Variants in AGAP1 observed in about 807,000 individuals in gnomAD.
AGAP1 encodes arf-GAP with GTPase, ANK repeat and PH domain-containing protein 1.
A neutral mutation model predicts 105.3 loss-of-function variants in AGAP1; 29 were observed. The observed-to-expected ratio is 0.28, with a 90% confidence interval of 0.21 to 0.38. The LOEUF (loss-of-function observed/expected upper bound fraction) is 0.38, where lower values mean the gene tolerates loss of function less well. Ranked by LOEUF, AGAP1 falls within the 10% of genes least tolerant of loss-of-function variation. AGAP1 has a pLI of 1.00. For missense variants in AGAP1, 998 were observed against 1,165.1 expected, an observed-to-expected ratio of 0.86 and a Z score of 2.09; for synonymous variants, 509 against 485.9, an observed-to-expected ratio of 1.05 and a Z score of -0.63.
rs1403965211 is a variant in AGAP1, at chr2:235,611,396, G to A, written c.164-97783G>A. On this transcript the variant is annotated intron_variant, in intron 1 of 17. Coordinates refer to ENST00000304032, the MANE Select transcript of AGAP1 (RefSeq NM_001037131.3). The surrounding 1 kb of genome is among the most constrained non-coding windows in gnomAD (Gnocchi z 5.0). ...CAAGGTCATGGCCATCCTCAATGCA[G>A]CCTTCATATTTTCATAATGAATAGT... Among the ~76,000 whole-genome samples the A allele has an allele frequency of 1.3e-5, 2 of 152,212 alleles. No homozygotes were observed. The highest frequency in any genetic ancestry group is 2.9e-5 in the Non-Finnish European group (2 of 68,042).
intron 9 of AGAP1, among the ~76,000 whole-genome samples, chr2:235,847,620 C>T (rs1268816165): frequency 6.6e-6 from 1 of 152,208 alleles, no homozygotes; most frequent in Non-Finnish European, 1.5e-5. Context: ...AATATTTTGA[C>T]TATTCATCAC....
chr2:235,894,186 G>A (rs546015810), intron 10 of AGAP1, among the ~76,000 whole-genome samples: 2 of 152,196 alleles, frequency 1.3e-5, no homozygotes, highest in African/African-American at 2.4e-5. Context: ...AATGCTTTTG[G>A]AAACAATATG....
chr2:235,494,654 G>T lies in AGAP1; in HGVS notation c.-33G>T, dbSNP rs1476099828. ...CCGGGGCGCGGGGCGGCGGCGGCGG[G>T]GGGCGCGCGGCTCCGGGCGCGGCGC... On this transcript the variant is annotated 5_prime_UTR_variant, in exon 1 of 18. Transcript: ENST00000304032. 1 of 1,077,344 alleles carries T rather than the reference G, an allele frequency of 9.3e-7. No individual in the cohort carries two copies. The allele number at this position is 1,077,344 out of a possible 1,614,324, so 66.7% of individuals were successfully genotyped here.
At chr2:235,949,243 C>CT (rs1320902083) in intron 12 of AGAP1, among the ~76,000 whole-genome samples, 3 of 152,194 alleles carry the variant, frequency 2.0e-5, no homozygotes, top group Non-Finnish European at 4.4e-5. Context: ...TGAGCATTGC[C>CT]TTTTAGCGTC....
intron 9 of AGAP1, among the ~76,000 whole-genome samples, chr2:235,857,072 G>A (rs1463034973): frequency 6.6e-6 from 1 of 152,186 alleles, no homozygotes; most frequent in Non-Finnish European, 1.5e-5. Context: ...ACACTTTAGA[G>A]CAGGAGTCAT....
At chr2:235,706,760 T>C (rs1035197055) in intron 1 of AGAP1, among the ~76,000 whole-genome samples, 3 of 152,176 alleles carry the variant, frequency 2.0e-5, no homozygotes, top group African/African-American at 7.2e-5. Flanking sequence ...CAGAGTGACG[T>C]TCTGAGAAGC....
In AGAP1 at chr2:235,765,856, T is replaced by C. The variant is rs997526332; in HGVS notation, c.673+15368T>C. On this transcript the variant is annotated intron_variant, in intron 6 of 17. Transcript: ENST00000304032. ...AATACTCCCATGCCCGCACCAAGAT[T>C]TCATTATTCAATGAAAAGTCCAAGG... Among the ~76,000 whole-genome samples, 7 of 152,314 alleles carry C rather than the reference T, an allele frequency of 4.6e-5. No individual in the cohort carries two copies. In the East Asian group the frequency reaches 1.2e-3, roughly 25 times the overall value.
At position 235,687,603 on chromosome 2, in the gene AGAP1, A is replaced by G. The variant is rs569589468; in HGVS notation, c.164-21576A>G. Among the ~76,000 whole-genome samples the G allele has an allele frequency of 3.3e-5, 5 of 152,362 alleles. No homozygotes were observed. The South Asian group carries it at 8.3e-4, about 25-fold the overall frequency. ...AAACATGCAGATAAAAACTTATTACATGAGGACCAGTGTTTGAAAGATGGC... is the reference window on the plus strand; with the variant it reads ...AAACATGCAGATAAAAACTTATTACGTGAGGACCAGTGTTTGAAAGATGGC... On this transcript the variant is annotated intron_variant, in intron 1 of 17. Coordinates refer to ENST00000304032, the MANE Select transcript of AGAP1 (RefSeq NM_001037131.3).
Position 235,908,990 on chromosome 2 carries a change from T to TTC in AGAP1, c.1324+85_1324+86insCT. ...TCGAGGATAATGTTGGACTCCTAGG[T>TTC]TAAGTGGAGACAGTAACTATCACAT... On this transcript the variant is annotated intron_variant, in intron 11 of 17. Coordinates refer to ENST00000304032, the MANE Select transcript of AGAP1 (RefSeq NM_001037131.3). This position sits in a 1 kb window ranked among gnomAD's most constrained non-coding sequence, Gnocchi z 4.4. 7.8e-7 allele frequency: 1 copy of TTC among 1,288,398 alleles called. No individual in the cohort carries two copies. The highest frequency in any genetic ancestry group is 1.1e-6 in the Non-Finnish European group (1 of 922,320). The allele number at this position is 1,288,398 out of a possible 1,614,324, so 79.8% of individuals were successfully genotyped here.
rs1299403820 is a variant in AGAP1 at position 236,001,599 on chromosome 2, A to G, written c.1645+32976A>G. Among the ~76,000 whole-genome samples, 1 of 152,090 alleles carries G rather than the reference A, an allele frequency of 6.6e-6. No individual in the cohort carries two copies. The highest frequency in any genetic ancestry group is 1.5e-5 in the Non-Finnish European group (1 of 68,022). ...GGCAGGACTTGCTGAAAGAGTTAAT[A>G]TGGGAAGTGAGAGGACACAGAGGCC... is the stretch of plus-strand genomic sequence containing the variant. On this transcript the variant is annotated intron_variant, in intron 13 of 17. Transcript: ENST00000304032. The surrounding 1 kb of genome is among the most constrained non-coding windows in gnomAD (Gnocchi z 4.7).
intron 13 of AGAP1, among the ~76,000 whole-genome samples, chr2:236,016,195 A>G (rs1282430536): frequency 6.6e-6 from 1 of 152,148 alleles, no homozygotes; most frequent in Non-Finnish European, 1.5e-5. Flanking sequence ...TCTTCTTTCA[A>G]AGCACTCAAG....
At position 235,732,955 on chromosome 2, in the gene AGAP1, A is replaced by G. The variant is rs948001874; in HGVS notation, c.311-8008A>G. Among the ~76,000 whole-genome samples, 9 of 152,124 alleles carry G rather than the reference A, an allele frequency of 5.9e-5. No individual in the cohort carries two copies. Among genetic ancestry groups the G allele is most frequent in the Non-Finnish European group, 1.3e-4 (9 of 68,020 alleles). ...GGGCATCTTTCGAGTCTCACTGCCC[A>G]CGCTGTGGGAGCTGAGACTGGATGC... is the stretch of plus-strand genomic sequence containing the variant. On this transcript the variant is annotated intron_variant, in intron 3 of 17. Transcript: ENST00000304032. The surrounding 1 kb of genome is among the most constrained non-coding windows in gnomAD (Gnocchi z 4.8).
chr2:235,716,123 G>C lies in AGAP1; in HGVS notation c.223-1434G>C, dbSNP rs775596935. 9.2e-5 allele frequency among the ~76,000 whole-genome samples: 14 copies of C among 152,188 alleles called. No individual in the cohort carries two copies. Among genetic ancestry groups the C allele is most frequent in the Admixed American group, 2.0e-4 (3 of 15,286 alleles). ...GAGTTATGATTCCAGAGTCTGCAGG[G>C]TGTCTCCTGTTAAATGGAATCGCAG... On this transcript the variant is annotated intron_variant, in intron 2 of 17. Transcript: ENST00000304032. The surrounding 1 kb of genome is among the most constrained non-coding windows in gnomAD (Gnocchi z 4.0).
In AGAP1 at chr2:236,003,183, T is replaced by G. The variant is rs2056195350; in HGVS notation, c.1646-33378T>G. ...CCTCAACCCCCCAAGTAGCTGGGAC[T>G]ACAGGCACATGCCGCCACGCCCAGC... On this transcript the variant is annotated intron_variant, in intron 13 of 17. Coordinates refer to ENST00000304032, the MANE Select transcript of AGAP1 (RefSeq NM_001037131.3). The surrounding 1 kb of genome is among the most constrained non-coding windows in gnomAD (Gnocchi z 4.2). Among the ~76,000 whole-genome samples the G allele has an allele frequency of 6.6e-6, 1 of 152,208 alleles. No homozygotes were observed. The highest frequency in any genetic ancestry group is 6.5e-5 in the Admixed American group (1 of 15,282).
In AGAP1 at chr2:236,089,371, A is replaced by C. The variant is rs2059005183; in HGVS notation, c.2115-30821A>C. Among the ~76,000 whole-genome samples the C allele has an allele frequency of 6.6e-6, 1 of 152,236 alleles. No individual in the cohort carries two copies. The highest frequency in any genetic ancestry group is 6.5e-5 in the Admixed American group (1 of 15,276). On this transcript the variant is annotated intron_variant, in intron 16 of 17. Transcript: ENST00000304032. This position sits in a 1 kb window ranked among gnomAD's most constrained non-coding sequence, Gnocchi z 5.6. ...GTGTCTCTGTGCCTCTCAGTCTCCC[A>C]GTTGCAAAGATGCCATCCCAGGTCA...
chr2:235,686,665 ATTTTTT>A (rs1200927776), intron 1 of AGAP1, among the ~76,000 whole-genome samples: 5 of 77,500 alleles, frequency 6.5e-5, no homozygotes, highest in African/African-American at 2.6e-4. Flanking sequence ...ATATATATAT[ATTTTTT>A]TTTTTTTTTA....
chr2:235,750,985 G>T lies in AGAP1; in HGVS notation c.673+497G>T, dbSNP rs1417086610. ...ATGACACGATACCACTCACAGCAGAGGGTGAGGACCAGCCTTTTGGAATTG... is the reference window on the plus strand; with the variant it reads ...ATGACACGATACCACTCACAGCAGATGGTGAGGACCAGCCTTTTGGAATTG... On this transcript the variant is annotated intron_variant, in intron 6 of 17. Transcript: ENST00000304032. The surrounding 1 kb of genome is among the most constrained non-coding windows in gnomAD (Gnocchi z 5.3). Among the ~76,000 whole-genome samples, 1 of 152,184 alleles carries T rather than the reference G, an allele frequency of 6.6e-6. No individual in the cohort carries two copies. Among genetic ancestry groups the T allele is most frequent in the African/African-American group, 2.4e-5 (1 of 41,440 alleles).
In AGAP1 at chr2:236,036,849, A is replaced by G. The variant is rs933028047; in HGVS notation, c.1800+134A>G. Reference sequence around the variant, plus strand: ...ACCTAGCTATTCTTTATGAGCAGAAAGCTCAATAACTAAAACGATCAGAAG... The same window carrying G: ...ACCTAGCTATTCTTTATGAGCAGAAGGCTCAATAACTAAAACGATCAGAAG... On this transcript the variant is annotated intron_variant, in intron 14 of 17. Coordinates refer to ENST00000304032, the MANE Select transcript of AGAP1 (RefSeq NM_001037131.3). This position sits in a 1 kb window ranked among gnomAD's most constrained non-coding sequence, Gnocchi z 5.7. 1 of 1,363,646 alleles carries G rather than the reference A, an allele frequency of 7.3e-7. No individual in the cohort carries two copies. Among genetic ancestry groups the G allele is most frequent in the South Asian group, 1.5e-5 (1 of 68,266 alleles). 84.5% of individuals were successfully genotyped at this position (1,363,646 alleles called of 1,614,324 possible).
intron 6 of AGAP1, among the ~76,000 whole-genome samples, chr2:235,772,180 A>G (rs2149857961): frequency 1.3e-5 from 2 of 150,958 alleles, no homozygotes; most frequent in Middle Eastern, 6.8e-3. Context: ...TTGTATTTTT[A>G]GTAGAGACAG....
Sources: allele counts gnomAD v4.1 joint callset (sites outside exome capture counted in the v4.1 genomes callset), GRCh38; gene constraint gnomAD v4.1.1; non-coding constraint Gnocchi (gnomAD v3.1); transcripts MANE v1.5; gene names NCBI Gene and HGNC (gene_info 2026-07-23, HGNC 2026-07-21).